Variants in GABRB3 observed in about 807,000 individuals in gnomAD.
GABRB3 encodes gamma-aminobutyric acid type A receptor subunit beta3.
A neutral mutation model predicts 52.1 loss-of-function variants in GABRB3; 14 were observed. The ratio of observed to expected loss-of-function variants is 0.27; its 90% confidence interval spans 0.18 to 0.42. The LOEUF (loss-of-function observed/expected upper bound fraction) is 0.42, where lower values mean the gene tolerates loss of function less well. GABRB3 is among the 10% of genes least tolerant of loss of function. The pLI is 1.00. For synonymous variants in GABRB3, 260 were observed against 232.3 expected (o/e 1.12, Z -1.08); for missense variants, 307 against 609.1 (o/e 0.50, Z 5.22).
At chr15:26,577,857 G>A (rs1467305333) in intron 6 of GABRB3, among the ~76,000 whole-genome samples, 2 of 152,190 alleles carry the variant, frequency 1.3e-5, no homozygotes, top group African/African-American at 2.4e-5. Flanking sequence ...TACAATCATA[G>A]CTCACTGCAG....
At chr15:26,554,044 T>TAG (rs1889604425) in intron 8 of GABRB3, among the ~76,000 whole-genome samples, 1 of 109,624 alleles carries the variant, frequency 9.1e-6, no homozygotes, top group Non-Finnish European at 1.8e-5. Flanking sequence ...TATTTATTTA[T>TAG]TTATATTTAT....
chr15:26,611,039 C>T (rs184968541), intron 4 of GABRB3, among the ~76,000 whole-genome samples: 2 of 152,186 alleles, frequency 1.3e-5, no homozygotes, highest in African/African-American at 4.8e-5. Context: ...GAGTTATTGG[C>T]AAAAATACCC....
intron 3 of GABRB3, among the ~76,000 whole-genome samples, chr15:26,752,417 C>G (rs552880371): frequency 6.6e-6 from 1 of 151,996 alleles, no homozygotes; most frequent in East Asian, 1.9e-4. Flanking sequence ...GTGCTCACCA[C>G]CACACCCAGC....
At chr15:26,611,901 A>G (rs781777998) in intron 4 of GABRB3, 3 of 152,200 alleles carry the variant, frequency 2.0e-5, no homozygotes, top group Non-Finnish European at 4.4e-5. Flanking sequence ...AAGCCTAAAG[A>G]CAGATTTAGC....
chr15:26,691,043 G>T (rs928694694), intron 3 of GABRB3, among the ~76,000 whole-genome samples: 2 of 150,900 alleles, frequency 1.3e-5, no homozygotes, highest in Admixed American at 6.6e-5. Flanking sequence ...CCCATTCCTG[G>T]TCCTTATTCC....
At chr15:26,624,625 G>T (rs1051735505) in intron 3 of GABRB3, 2 of 985,430 alleles carry the variant, frequency 2.0e-6, no homozygotes, top group African/African-American at 3.5e-5. Flanking sequence ...AGACTAGTGG[G>T]TAAGAGCTTA....
At chr15:26,772,515 G>C (rs756602022) in intron 2 of GABRB3, 46 bp from the exon 3 acceptor site, 1 of 1,587,592 alleles carries the variant, frequency 6.3e-7, no homozygotes, top group East Asian at 2.3e-5. Flanking sequence ...TCCGGCGCGG[G>C]GCGCGGGCGG....
intron 3 of GABRB3, among the ~76,000 whole-genome samples, chr15:26,671,048 T>A (rs1298409843): frequency 6.6e-6 from 1 of 152,136 alleles, no homozygotes; most frequent in Non-Finnish European, 1.5e-5. Context: ...CTGGCTAATC[T>A]ATGAGATAGT....
Position 26,544,533 on chromosome 15 carries a change from G to C in GABRB3, c.*3260C>G, listed in dbSNP as rs984167194. 6.6e-6 allele frequency: 1 copy of C among 152,190 alleles called. No individual in the cohort carries two copies. Among genetic ancestry groups the C allele is most frequent in the Non-Finnish European group, 1.5e-5 (1 of 68,046 alleles). 9.4% of individuals were successfully genotyped at this position (152,190 alleles called of 1,614,324 possible). On this transcript the variant is annotated 3_prime_UTR_variant, in exon 9 of 9. Transcript: ENST00000311550. ...ATGACATACTTTCTAGTTCGTTTGA[G>C]ATTCAGGGGAAATGGATGTCGCATG...
intron 3 of GABRB3, among the ~76,000 whole-genome samples, chr15:26,728,704 A>T (rs1889834327): frequency 6.6e-6 from 1 of 152,142 alleles, no homozygotes; most frequent in Non-Finnish European, 1.5e-5. Context: ...TTCATGACGT[A>T]TTTGCTCTAG....
chr15:26,697,900 A>G (rs28469400), intron 3 of GABRB3, among the ~76,000 whole-genome samples: 3,646 of 152,300 alleles, frequency 0.024, 140 homozygotes, highest in African/African-American at 0.083. Flanking sequence ...TCTTATCAAA[A>G]GAGATGCCAC....
chr15:26,643,781 C>A (rs551471952), intron 3 of GABRB3, among the ~76,000 whole-genome samples: 1 of 152,172 alleles, frequency 6.6e-6, no homozygotes, highest in Non-Finnish European at 1.5e-5. Context: ...TGACCCACCA[C>A]CTGCCGTCAT....
In GABRB3 at chr15:26,554,206, TATAG is replaced by T. The variant is rs1442473316; in HGVS notation, c.1081-6076_1081-6073del. Among the ~76,000 whole-genome samples, 180 of 100,730 alleles carry T rather than the reference TATAG, an allele frequency of 1.8e-3. 11 individuals are homozygous for T. Among genetic ancestry groups the T allele is most frequent in the South Asian group, 2.3e-3 (7 of 3,036 alleles). The allele number at this position is 100,730 out of a possible 152,430, so 66.1% of individuals were successfully genotyped here. On this transcript the variant is annotated intron_variant, in intron 8 of 8. Coordinates refer to ENST00000311550, the MANE Select transcript of GABRB3 (RefSeq NM_000814.6). The stretch of plus-strand genomic sequence containing the variant: ...TATATATATACTATATATATATATA[TATAG>T]TAGAAACAAGGTCTCTCTTTGTTGC...
intron 3 of GABRB3, among the ~76,000 whole-genome samples, chr15:26,623,250 G>C (rs1343168412): frequency 6.6e-6 from 1 of 152,200 alleles, no homozygotes; most frequent in Non-Finnish European, 1.5e-5. Context: ...GCAGAGCGAT[G>C]AGTCAGGCTA....
intron 3 of GABRB3, chr15:26,642,496 G>A: frequency 1.6e-6 from 2 of 1,288,906 alleles, no homozygotes; most frequent in Non-Finnish European, 2.0e-6. Flanking sequence ...GTTCCACAGT[G>A]GCTGAATCCT....
At chr15:26,733,205 A>G (rs1474375132) in intron 3 of GABRB3, among the ~76,000 whole-genome samples, 5 of 152,188 alleles carry the variant, frequency 3.3e-5, no homozygotes, top group African/African-American at 1.2e-4. Flanking sequence ...AGAAAAAAGT[A>G]AAATTCTCTC....
rs982340672 is a variant in GABRB3, at chr15:26,621,866, C to T, written c.241-332G>A. 1.4e-5 allele frequency among the ~76,000 whole-genome samples: 2 copies of T among 144,398 alleles called. No individual in the cohort carries two copies. Among genetic ancestry groups the T allele is most frequent in the Non-Finnish European group, 3.1e-5 (2 of 64,324 alleles). The allele number at this position is 144,398 out of a possible 152,430, so 94.7% of individuals were successfully genotyped here. On this transcript the variant is annotated intron_variant, in intron 3 of 8. Coordinates refer to ENST00000311550, the MANE Select transcript of GABRB3 (RefSeq NM_000814.6). This position sits in a 1 kb window ranked among gnomAD's most constrained non-coding sequence, Gnocchi z 4.1. ...GTAAAATCAGGTTGCTGGCGGGGAA[C>T]TAGATTGTTCCCATGGATGTTCTCT...
chr15:26,632,713 G>A (rs1690018637), intron 3 of GABRB3, among the ~76,000 whole-genome samples: 1 of 152,150 alleles, frequency 6.6e-6, no homozygotes, highest in African/African-American at 2.4e-5. Context: ...TGTCAGACTC[G>A]CTGGGTGACA....
At chr15:26,632,533 G>A (rs1206805312) in intron 3 of GABRB3, among the ~76,000 whole-genome samples, 1 of 152,180 alleles carries the variant, frequency 6.6e-6, no homozygotes, top group African/African-American at 2.4e-5. Context: ...CAAAATGATT[G>A]CACTGACCTA....
Sources: gnomAD v4.1 joint callset for allele counts (sites outside exome capture counted in the v4.1 genomes callset) on GRCh38, gnomAD v4.1.1 for gene constraint, Gnocchi (gnomAD v3.1) non-coding constraint, MANE v1.5 for transcripts, NCBI Gene and HGNC (gene_info 2026-07-23, HGNC 2026-07-21) for gene names.